The following LARGE1 variants were observed in gnomAD, a reference collection of about 807,000 sequenced individuals.
LARGE1 encodes LARGE xylosyl- and glucuronyltransferase 1.
LARGE1 carries 43 observed loss-of-function variants against 87.6 expected under a neutral mutation model. That is an observed-to-expected ratio of 0.49 (90% CI 0.38 to 0.63). The LOEUF is 0.63. Among genes scored for constraint, LARGE1 ranks in the 30% least tolerant of loss-of-function variants. LARGE1 has a pLI of 0.00. For missense variants in LARGE1, 802 were observed against 1,000.2 expected, an observed-to-expected ratio of 0.80 and a Z score of 2.67; for synonymous variants, 434 against 394.6, an observed-to-expected ratio of 1.10 and a Z score of -1.18.
intron 1 of LARGE1, among the ~76,000 whole-genome samples, chr22:33,785,154 T>C (rs921083967): frequency 2.0e-5 from 3 of 148,702 alleles, no homozygotes; most frequent in Non-Finnish European, 3.0e-5. Flanking sequence ...TATGTGTATA[T>C]ACATATATGT....
At chr22:33,766,819 C>T (rs1029139378) in intron 1 of LARGE1, among the ~76,000 whole-genome samples, 2 of 150,774 alleles carry the variant, frequency 1.3e-5, no homozygotes, top group East Asian at 1.9e-4. Context: ...ATTTTATATA[C>T]GTGTACAAAT....
chr22:33,775,167 C>A (rs1266682201), intron 1 of LARGE1, among the ~76,000 whole-genome samples: 1 of 152,198 alleles, frequency 6.6e-6, no homozygotes, highest in East Asian at 1.9e-4. Context: ...GAGAAGGGCA[C>A]TGAGGTTCAA....
Position 33,274,335 on chromosome 22 carries a change from ATGGCTC to A in LARGE1, c.*86_*91del. On this transcript the variant is annotated 3_prime_UTR_variant, in exon 15 of 15. Coordinates refer to ENST00000397394, the MANE Select transcript of LARGE1 (RefSeq NM_133642.5). ...ATAAATAAAAACAAACCGAAAAAGC[ATGGCTC>A]AATTTTGAATTTGAAGGCCGGGCCC... 1 of 1,330,102 alleles carries A rather than the reference ATGGCTC, an allele frequency of 7.5e-7. No homozygotes were observed. The highest frequency in any genetic ancestry group is 1.7e-5 in the Admixed American group (1 of 59,624). 82.4% of individuals were successfully genotyped at this position (1,330,102 alleles called of 1,614,324 possible).
At chr22:33,254,451 T>C (rs1404234759) in intron 11 of LARGE1, among the ~76,000 whole-genome samples, 2 of 152,226 alleles carry the variant, frequency 1.3e-5, no homozygotes, top group African/African-American at 2.4e-5. Context: ...AGATATGGTC[T>C]GGCCATTGTC....
chr22:33,260,605 A>C (rs1197324599), intron 11 of LARGE1, among the ~76,000 whole-genome samples: 1 of 152,144 alleles, frequency 6.6e-6, no homozygotes, highest in Non-Finnish European at 1.5e-5. Context: ...CTAGCAGAGG[A>C]CCTGGGACAG....
upstream of LARGE1, among the ~76,000 whole-genome samples, chr22:33,921,038 G>T (rs921222086): frequency 3.3e-5 from 5 of 150,302 alleles, no homozygotes; most frequent in South Asian, 6.2e-4. This position sits in a 1 kb window ranked among gnomAD's most constrained non-coding sequence, Gnocchi z 4.1. Context: ...TGTGCAGCCG[G>T]GGGGGACCGC....
At chr22:33,262,391 A>G (rs1363471722) in intron 11 of LARGE1, among the ~76,000 whole-genome samples, 1 of 152,174 alleles carries the variant, frequency 6.6e-6, no homozygotes, top group African/African-American at 2.4e-5. Context: ...GCCAGTCATC[A>G]CTGTGGTTGC....
At chr22:33,497,518 GCA>G (rs1487538371) in intron 6 of LARGE1, among the ~76,000 whole-genome samples, 1 of 152,140 alleles carries the variant, frequency 6.6e-6, no homozygotes, top group Non-Finnish European at 1.5e-5. Flanking sequence ...TAATTATTCT[GCA>G]CAGTGTCTAA....
intron 6 of LARGE1, among the ~76,000 whole-genome samples, chr22:33,491,960 T>C (rs1220831721): frequency 5.4e-4 from 82 of 152,314 alleles, no homozygotes; most frequent in Non-Finnish European, 1.5e-4. Flanking sequence ...TGTGGCCTTA[T>C]GGCTCCACAA....
intron 1 of LARGE1, among the ~76,000 whole-genome samples, chr22:33,777,881 G>A (rs888998855): frequency 2.6e-5 from 4 of 152,184 alleles, no homozygotes; most frequent in Non-Finnish European, 5.9e-5. Flanking sequence ...GTTTTGGGGG[G>A]CTTTCCTTGT....
At chr22:33,829,019 T>C (rs1213464222) in intron 1 of LARGE1, among the ~76,000 whole-genome samples, 1 of 145,778 alleles carries the variant, frequency 6.9e-6, no homozygotes, top group Non-Finnish European at 1.5e-5. Context: ...TTTTTTTTTT[T>C]TTTTTTTTTG....
intron 5 of LARGE1, among the ~76,000 whole-genome samples, chr22:33,594,167 T>C (rs8142582): frequency 0.01 from 1,575 of 152,282 alleles, 24 homozygotes; most frequent in African/African-American, 0.036. Flanking sequence ...ATCACTGATT[T>C]TACCTTAGTT....
chr22:33,386,823 C>T (rs372275101), intron 7 of LARGE1, among the ~76,000 whole-genome samples: 7 of 148,710 alleles, frequency 4.7e-5, no homozygotes, highest in African/African-American at 7.3e-5. Flanking sequence ...TGAATGAAGC[C>T]GGGCATGGTG....
intron 1 of LARGE1, among the ~76,000 whole-genome samples, chr22:33,878,129 C>CTTGTTTTTTTTTTTTTTTTTTTTT (rs2064532007): frequency 4.5e-5 from 2 of 44,652 alleles, no homozygotes; most frequent in African/African-American, 6.0e-5. Flanking sequence ...TATTGTATTT[C>CTTGTTTTTTTTTTTTTTTTTTTTT]TTTTTTTTTT....
the LARGE1 span, among the ~76,000 whole-genome samples, chr22:33,124,819 T>C: frequency 3.3e-5 from 5 of 152,128 alleles, no homozygotes; most frequent in African/African-American, 9.7e-5. Context: ...CTGGGCAACA[T>C]AGCAAGATCC....
intron 1 of LARGE1, among the ~76,000 whole-genome samples, chr22:33,845,055 T>C (rs1240826156): frequency 6.6e-6 from 1 of 152,032 alleles, no homozygotes; most frequent in African/African-American, 2.4e-5. Context: ...GCCCCCTTTT[T>C]GTCCCCAATA....
intron 6 of LARGE1, among the ~76,000 whole-genome samples, chr22:33,519,227 T>TGCGC (rs1555943708): frequency 5.1e-5 from 7 of 136,228 alleles, no homozygotes; most frequent in African/African-American, 1.7e-4. Context: ...GCTGCGTGCG[T>TGCGC]GCGCGCGCGT....
the LARGE1 span, among the ~76,000 whole-genome samples, chr22:33,136,039 A>G: frequency 6.6e-6 from 1 of 152,032 alleles, no homozygotes. Context: ...CTCCTCCTCT[A>G]TTGTGTGGTC....
At chr22:33,270,004 C>CAA (rs56995031), downstream of LARGE1, among the ~76,000 whole-genome samples, 42 of 86,678 alleles carry the variant, frequency 4.8e-4, no homozygotes, top group African/African-American at 1.0e-3. Flanking sequence ...GACTCTGTCT[C>CAA]AAAAAAAAAA....
Sources: allele counts gnomAD v4.1 joint callset (sites outside exome capture counted in the v4.1 genomes callset), GRCh38; gene constraint gnomAD v4.1.1; non-coding constraint Gnocchi (gnomAD v3.1); transcripts MANE v1.5; gene names NCBI Gene and HGNC (gene_info 2026-07-23, HGNC 2026-07-21).